The following WDR70 variants were observed in gnomAD, a reference collection of about 807,000 sequenced individuals.
WDR70 encodes WD repeat-containing protein 70.
WDR70 carries 53 observed loss-of-function variants against 88.6 expected under a neutral mutation model. The observed-to-expected ratio is 0.60, with a 90% CI of 0.48 to 0.75. WDR70 has a LOEUF of 0.75. Among genes scored for constraint, WDR70 ranks in the 30% least tolerant of loss-of-function variants. WDR70 has a pLI of 0.00. For synonymous variants in WDR70, 280 were observed against 270.0 expected (o/e 1.04, Z -0.36); for missense variants, 610 against 823.2 (o/e 0.74, Z 3.17).
chr5:37,638,216 A>G (rs1745022227), intron 10 of WDR70, among the ~76,000 whole-genome samples: 1 of 152,234 alleles, frequency 6.6e-6, no homozygotes, highest in South Asian at 2.1e-4. Context: ...ATTCCATTAA[A>G]ATGAATTTAT....
chr5:37,641,221 T>G (rs999814625), intron 10 of WDR70, among the ~76,000 whole-genome samples: 5 of 151,996 alleles, frequency 3.3e-5, no homozygotes, highest in African/African-American at 1.2e-4. Context: ...GTTCAAACGA[T>G]TCTCATGCCT....
chr5:37,472,145 A>G (rs6869205), intron 7 of WDR70, among the ~76,000 whole-genome samples: 131,438 of 151,870 alleles, frequency 0.87, 60,164 homozygotes, highest in East Asian at 1. Context: ...AAATTTTGTT[A>G]AAGTACAATT....
intron 9 of WDR70, among the ~76,000 whole-genome samples, chr5:37,531,770 A>C (rs1157790029): frequency 6.6e-6 from 1 of 151,736 alleles, no homozygotes; most frequent in African/African-American, 2.4e-5. Context: ...GTTATTATTG[A>C]GATGTGAGGT....
At chr5:37,590,597 G>A (rs1227115592) in intron 9 of WDR70, among the ~76,000 whole-genome samples, 3 of 152,080 alleles carry the variant, frequency 2.0e-5, no homozygotes, top group East Asian at 1.9e-4. Context: ...CCTTAAATCC[G>A]ACAAGTACCC....
chr5:37,676,096 CTT>C (rs1340372319), intron 10 of WDR70, among the ~76,000 whole-genome samples: 5 of 144,624 alleles, frequency 3.5e-5, no homozygotes, highest in Non-Finnish European at 7.6e-5. Flanking sequence ...TATCCTGAGA[CTT>C]TGCTGAAGTT....
At chr5:37,737,651 T>A (rs916304826) in intron 17 of WDR70, among the ~76,000 whole-genome samples, 9 of 152,176 alleles carry the variant, frequency 5.9e-5, no homozygotes, top group African/African-American at 1.9e-4. Context: ...GTTATATATC[T>A]TATAAATGGG....
chr5:37,548,157 G>GT (rs1357419977), intron 9 of WDR70, among the ~76,000 whole-genome samples: 1 of 152,140 alleles, frequency 6.6e-6, no homozygotes, highest in African/African-American at 2.4e-5. Flanking sequence ...TTTTGGGTAT[G>GT]TACCCAGCAG....
intron 10 of WDR70, among the ~76,000 whole-genome samples, chr5:37,616,081 T>C (rs1744331842): frequency 6.6e-6 from 1 of 152,200 alleles, no homozygotes; most frequent in Admixed American, 6.5e-5. Flanking sequence ...TTTATACTTT[T>C]TCCCAACCTT....
At chr5:37,497,610 T>C (rs1740271660) in intron 8 of WDR70, among the ~76,000 whole-genome samples, 1 of 151,998 alleles carries the variant, frequency 6.6e-6, no homozygotes, top group Non-Finnish European at 1.5e-5. Flanking sequence ...GGGAGTACAA[T>C]GAGCTATTTC....
chr5:37,462,428 G>C lies in WDR70; in HGVS notation c.687-17406G>C, dbSNP rs368172474. ...TGCCATTCTCCTGCCTTAGCCTCCT[G>C]AGTAGCTGGGACTACAGGCGCCTGC... On this transcript the variant is annotated intron_variant, in intron 7 of 17. Transcript: ENST00000265107. Among the ~76,000 whole-genome samples, 13 of 152,194 alleles carry C rather than the reference G, an allele frequency of 8.5e-5. No homozygotes were observed. The East Asian group carries it at 2.1e-3, about 25-fold the overall frequency.
In WDR70 at chr5:37,752,611, G is replaced by A. The variant is rs1229599852; in HGVS notation, c.*38G>A. 1 of 1,466,820 alleles carries A rather than the reference G, an allele frequency of 6.8e-7. No homozygotes were observed. The highest frequency in any genetic ancestry group is 1.4e-5 in the African/African-American group (1 of 70,358). 90.9% of individuals were successfully genotyped at this position (1,466,820 alleles called of 1,614,324 possible). ...GAGAGCTGTTTGCATGAGTGGGAGGGGTATGGGACAGGTTTGGGTTTTTTT... is the reference window on the plus strand; with the variant it reads ...GAGAGCTGTTTGCATGAGTGGGAGGAGTATGGGACAGGTTTGGGTTTTTTT... On this transcript the variant is annotated 3_prime_UTR_variant, in exon 18 of 18. Transcript: ENST00000265107.
chr5:37,729,733 T>C (rs1748090388), intron 17 of WDR70, among the ~76,000 whole-genome samples: 1 of 152,318 alleles, frequency 6.6e-6, no homozygotes, highest in Admixed American at 6.5e-5. Flanking sequence ...TTTTAGTGTT[T>C]ATTTCCCTTT....
intron 5 of WDR70, among the ~76,000 whole-genome samples, chr5:37,399,429 T>A (rs1023294410): frequency 5.3e-5 from 8 of 151,696 alleles, no homozygotes; most frequent in South Asian, 2.1e-4. Flanking sequence ...CAAAAAAAAA[T>A]TTTTTTTTCA....
intron 10 of WDR70, among the ~76,000 whole-genome samples, chr5:37,611,990 C>T (rs1744204890): frequency 6.6e-6 from 1 of 152,116 alleles, no homozygotes; most frequent in Admixed American, 6.5e-5. Context: ...ATGACCTCAT[C>T]TAGGTGTCTT....
intron 13 of WDR70, among the ~76,000 whole-genome samples, chr5:37,708,338 T>C (rs1747416840): frequency 6.6e-6 from 1 of 151,734 alleles, no homozygotes; most frequent in Non-Finnish European, 1.5e-5. Context: ...AGAAAGTATA[T>C]ATTGTGGAAA....
intron 10 of WDR70, among the ~76,000 whole-genome samples, chr5:37,668,408 C>T (rs1745925784): frequency 6.6e-6 from 1 of 152,130 alleles, no homozygotes; most frequent in African/African-American, 2.4e-5. Context: ...CATTTCATGC[C>T]TTCTTGAAAT....
intron 8 of WDR70, among the ~76,000 whole-genome samples, chr5:37,516,164 C>T (rs991756953): frequency 2.0e-5 from 3 of 152,112 alleles, no homozygotes; most frequent in Non-Finnish European, 2.9e-5. Flanking sequence ...GAGTTATGAT[C>T]TTTGAAGAAG....
In WDR70 at chr5:37,752,712, T is replaced by G; in HGVS notation, c.*139T>G. On this transcript the variant is annotated 3_prime_UTR_variant, in exon 18 of 18. Transcript: ENST00000265107. Reference sequence around the variant, plus strand: ...TGCATTATTGAACTGGTCAAAAGTTTGGTGGCTAGGCTTCACTAAAATTGT... The same window carrying G: ...TGCATTATTGAACTGGTCAAAAGTTGGGTGGCTAGGCTTCACTAAAATTGT... 3.1e-6 allele frequency: 2 copies of G among 644,998 alleles called. No individual in the cohort carries two copies. The highest frequency in any genetic ancestry group is 4.1e-5 in the South Asian group (2 of 49,126). 40.0% of individuals were successfully genotyped at this position (644,998 alleles called of 1,614,324 possible).
rs1740834302 is a variant in WDR70, at chr5:37,514,716, T to C, written c.841-1798T>C. ...TATACTGATTGCTATGTAGAGCACA[T>C]GAGGTAAAATGAAAGCAGAGGTGGG... On this transcript the variant is annotated intron_variant, in intron 8 of 17. Coordinates refer to ENST00000265107, the MANE Select transcript of WDR70 (RefSeq NM_018034.4). Among the ~76,000 whole-genome samples the C allele has an allele frequency of 2.0e-5, 3 of 151,894 alleles. No homozygotes were observed. In the South Asian group the frequency reaches 6.2e-4, roughly 31 times the overall value.
Sources: gnomAD v4.1 joint callset for allele counts (sites outside exome capture counted in the v4.1 genomes callset) on GRCh38, gnomAD v4.1.1 for gene constraint, MANE v1.5 for transcripts, NCBI Gene and HGNC (gene_info 2026-07-23, HGNC 2026-07-21) for gene names.